Variants in ARHGEF38 observed in about 807,000 individuals in gnomAD.
ARHGEF38 encodes Rho guanine nucleotide exchange factor 38, also known as Rho guanine nucleotide exchange factor (GEF) 38.
In ARHGEF38, 79 loss-of-function variants were observed where a neutral mutation model predicts 79.9. The observed-to-expected ratio is 0.99, with a 90% CI of 0.82 to 1.19. ARHGEF38 has a LOEUF of 1.19. ARHGEF38 is among the 50% of genes most tolerant of loss of function. ARHGEF38 has a pLI of 0.00. For synonymous variants in ARHGEF38, 366 were observed against 328.3 expected, an observed-to-expected ratio of 1.11 and a Z score of -1.24; for missense variants, 962 against 907.2, an observed-to-expected ratio of 1.06 and a Z score of -0.78.
intron 7 of ARHGEF38, among the ~76,000 whole-genome samples, chr4:105,650,062 C>T (rs930332649): frequency 6.6e-6 from 1 of 152,160 alleles, no homozygotes; most frequent in Non-Finnish European, 1.5e-5. Flanking sequence ...AGTGTGTAAG[C>T]ACTCAATATA....
At chr4:105,572,590 C>A (rs1261984581) in intron 1 of ARHGEF38, among the ~76,000 whole-genome samples, 1 of 152,150 alleles carries the variant, frequency 6.6e-6, no homozygotes, top group Non-Finnish European at 1.5e-5. Context: ...CTTTCCGTTT[C>A]TATGATTTCG....
Position 105,679,952 on chromosome 4 carries a change from C to A in ARHGEF38, c.*2015C>A, listed in dbSNP as rs1446869445. 7 of 1,358,600 alleles carry A rather than the reference C, an allele frequency of 5.2e-6. No individual in the cohort carries two copies. The highest frequency in any genetic ancestry group is 2.3e-5 in the South Asian group (2 of 85,690). 84.2% of individuals were successfully genotyped at this position (1,358,600 alleles called of 1,614,324 possible). A position where few individuals can be genotyped will look rare whatever the true frequency, so the allele number is the denominator to read the frequency against. On this transcript the variant is annotated 3_prime_UTR_variant, in exon 14 of 14. Transcript: ENST00000420470. ...TCTCTGAAGCCTTTTAGTGTAATTT[C>A]TCTTTGTGACTGTGCAATGTCCCCA...
chr4:105,671,615 T>C (rs2110583680), intron 13 of ARHGEF38, among the ~76,000 whole-genome samples: 1 of 152,322 alleles, frequency 6.6e-6, no homozygotes, highest in South Asian at 2.1e-4. Flanking sequence ...TCTGTATTTG[T>C]GATGTGATAG....
chr4:105,594,961 T>G (rs918854652), intron 2 of ARHGEF38, among the ~76,000 whole-genome samples: 2 of 152,208 alleles, frequency 1.3e-5, no homozygotes, highest in African/African-American at 4.8e-5. Context: ...TCTATGTTTT[T>G]GGCTATAAGT....
intron 2 of ARHGEF38, among the ~76,000 whole-genome samples, chr4:105,606,110 T>C (rs1000727681): frequency 1.3e-5 from 2 of 152,120 alleles, no homozygotes; most frequent in Non-Finnish European, 1.5e-5. Flanking sequence ...CAAGGTTCTA[T>C]TAGACCAAAT....
chr4:105,664,561 G>T (rs529051623), intron 10 of ARHGEF38, among the ~76,000 whole-genome samples: 1 of 152,270 alleles, frequency 6.6e-6, no homozygotes, highest in African/African-American at 2.4e-5. Context: ...CATAGATTTG[G>T]TTGAGTTCAC....
rs548811961 is a variant in ARHGEF38, at chr4:105,661,365, T to G, written c.1545+2000T>G. 7.9e-5 allele frequency among the ~76,000 whole-genome samples: 12 copies of G among 152,108 alleles called. No individual in the cohort carries two copies. The South Asian group carries it at 2.5e-3, about 32-fold the overall frequency. On this transcript the variant is annotated intron_variant, in intron 10 of 13. Transcript: ENST00000420470. ...GGAGTGGAATTTCTGGATCATATGT[T>G]AACTCTATGTTTAACCTTTTGAAAA...
chr4:105,562,443 C>T (rs1325182935), intron 1 of ARHGEF38, among the ~76,000 whole-genome samples: 1 of 152,104 alleles, frequency 6.6e-6, no homozygotes, highest in Non-Finnish European at 1.5e-5. Context: ...TTTTACAATT[C>T]TGTCATTTTC....
intron 2 of ARHGEF38, among the ~76,000 whole-genome samples, chr4:105,602,309 G>T (rs1172858426): frequency 3.3e-5 from 5 of 152,292 alleles, no homozygotes; most frequent in African/African-American, 9.6e-5. Context: ...CAAACTGTCA[G>T]ACTGAGGAAT....
intron 2 of ARHGEF38, among the ~76,000 whole-genome samples, chr4:105,613,136 A>G (rs1415961787): frequency 1.3e-5 from 2 of 152,198 alleles, no homozygotes; most frequent in Admixed American, 1.3e-4. Context: ...TGGTTCTTAT[A>G]GGAATATATA....
At chr4:105,566,205 T>C (rs1725879872) in intron 1 of ARHGEF38, among the ~76,000 whole-genome samples, 1 of 152,228 alleles carries the variant, frequency 6.6e-6, no homozygotes, top group Non-Finnish European at 1.5e-5. Flanking sequence ...TCAGCTGCAC[T>C]AAGTTGTTTT....
chr4:105,596,369 C>A (rs868678623), intron 2 of ARHGEF38, among the ~76,000 whole-genome samples: 2 of 152,136 alleles, frequency 1.3e-5, no homozygotes, highest in Non-Finnish European at 1.5e-5. Flanking sequence ...TTGTGCCCCC[C>A]ACCCCAAACC....
At chr4:105,641,652 A>G (rs963499951) in intron 5 of ARHGEF38, among the ~76,000 whole-genome samples, 2 of 151,926 alleles carry the variant, frequency 1.3e-5, no homozygotes, top group Non-Finnish European at 2.9e-5. Context: ...TAATAGTTAC[A>G]TAATTATTCT....
intron 5 of ARHGEF38, among the ~76,000 whole-genome samples, chr4:105,640,671 T>C (rs530669655): frequency 6.6e-6 from 1 of 152,296 alleles, no homozygotes; most frequent in African/African-American, 2.4e-5. Flanking sequence ...ACAGAATGCA[T>C]GGGAAGTAAA....
chr4:105,653,569 C>T (rs1441614549), intron 7 of ARHGEF38, among the ~76,000 whole-genome samples: 1 of 152,122 alleles, frequency 6.6e-6, no homozygotes, highest in Non-Finnish European at 1.5e-5. Flanking sequence ...GATCCGCCCG[C>T]CTTGGCCTCC....
At chr4:105,618,477 C>T (rs56981213) in intron 3 of ARHGEF38, among the ~76,000 whole-genome samples, 3,168 of 152,126 alleles carry the variant, frequency 0.021, 121 homozygotes, top group African/African-American at 0.072. Flanking sequence ...AAAAATTAGC[C>T]GGGCGTGGTG....
chr4:105,648,997 A>G (rs1001886512), intron 7 of ARHGEF38, among the ~76,000 whole-genome samples: 1 of 152,146 alleles, frequency 6.6e-6, no homozygotes, highest in African/African-American at 2.4e-5. Flanking sequence ...CCTGATGCTC[A>G]TCATCAACTA....
chr4:105,668,667 TA>T (rs1280262313), intron 13 of ARHGEF38, among the ~76,000 whole-genome samples: 1 of 55,434 alleles, frequency 1.8e-5, no homozygotes, highest in Non-Finnish European at 3.6e-5. Flanking sequence ...TATGTGTAGA[TA>T]GATAGATAGA....
At chr4:105,673,725 T>G (rs531888658) in intron 13 of ARHGEF38, among the ~76,000 whole-genome samples, 5 of 151,988 alleles carry the variant, frequency 3.3e-5, no homozygotes, top group Non-Finnish European at 7.4e-5. Context: ...GAGAGGAAGA[T>G]GGGAGGAAGG....
Sources: gnomAD v4.1 joint callset for allele counts (sites outside exome capture counted in the v4.1 genomes callset) on GRCh38, gnomAD v4.1.1 for gene constraint, MANE v1.5 for transcripts, NCBI Gene and HGNC (gene_info 2026-07-23, HGNC 2026-07-21) for gene names.